The following POU5F1B variants were observed in gnomAD, a reference collection of about 807,000 sequenced individuals.
POU5F1B encodes the protein POU class 5 homeobox 1B.
Under a neutral mutation model 28.1 loss-of-function variants are expected in POU5F1B, and 24 were observed. That is an observed-to-expected ratio of 0.85 (90% CI 0.62 to 1.20). POU5F1B has a LOEUF of 1.20. Ranked by LOEUF, POU5F1B falls within the 50% of genes most tolerant of loss-of-function variation. POU5F1B has a pLI of 0.00. For synonymous variants in POU5F1B, 220 were observed against 193.2 expected, an observed-to-expected ratio of 1.14 and a Z score of -1.15; for missense variants, 451 against 451.5, an observed-to-expected ratio of 1.00 and a Z score of 0.01.
chr8:127,416,512 A>G, exon 3 of POU5F1B: 1 of 1,609,264 alleles, frequency 6.2e-7, no homozygotes, highest in Non-Finnish European at 8.5e-7. Context: ...CAACAATGAA[A>G]ATCTTCAGGA....
intron 1 of POU5F1B, among the ~76,000 whole-genome samples, chr8:127,413,450 G>T (rs1276407802): frequency 6.6e-6 from 1 of 152,106 alleles, no homozygotes; most frequent in Non-Finnish European, 1.5e-5. Context: ...CCTTCACCTA[G>T]CTGTACCTCA....
chr8:127,415,659 T>G, exon 3 of POU5F1B: 1 of 774,036 alleles, frequency 1.3e-6, no homozygotes, highest in East Asian at 3.1e-5. Context: ...AAGATAATAA[T>G]TGTCAATTCA....
chr8:127,415,871 C>G (rs542388560), exon 3 of POU5F1B: 4 of 1,524,434 alleles, frequency 2.6e-6, no homozygotes, highest in Non-Finnish European at 3.5e-6. Context: ...TTCCCCATGG[C>G]GGGACACCTG....
chr8:127,416,357 A>G (rs1308175755), exon 3 of POU5F1B: 2 of 1,611,258 alleles, frequency 1.2e-6, no homozygotes, highest in Admixed American at 3.4e-5. Flanking sequence ...GGATATACAC[A>G]GGCCGATGTG....
chr8:127,416,208 C>T, exon 3 of POU5F1B: 2 of 1,613,892 alleles, frequency 1.2e-6, no homozygotes, highest in Non-Finnish European at 1.7e-6. Context: ...CCCCGGAACC[C>T]TGCACCGTCC....
chr8:127,417,194 T>TAAA (rs71303488), exon 3 of POU5F1B: 10,653 of 243,242 alleles, frequency 0.044, 195 homozygotes, highest in African/African-American at 0.097. Context: ...TGGGACACAG[T>TAAA]AAAAAAAAAA....
At chr8:127,414,408 G>A (rs1213821487) in intron 1 of POU5F1B, among the ~76,000 whole-genome samples, 1 of 152,160 alleles carries the variant, frequency 6.6e-6, no homozygotes, top group Non-Finnish European at 1.5e-5. Flanking sequence ...GGGGAGAAGA[G>A]GGTTGCCACA....
chr8:127,415,324 TC>T (rs1431132894), intron 2 of POU5F1B: 1 of 152,830 alleles, frequency 6.5e-6, no homozygotes, highest in Non-Finnish European at 1.5e-5. Flanking sequence ...GAGTGCTATT[TC>T]CCGTCACTAC....
chr8:127,416,440 C>G, exon 3 of POU5F1B: 1 of 1,608,554 alleles, frequency 6.2e-7, no homozygotes, highest in Non-Finnish European at 8.5e-7. Flanking sequence ...GGCTCTGCAG[C>G]TTAGCTTCAA....
In POU5F1B at chr8:127,413,607, G is replaced by T. The variant is rs981369675; in HGVS notation, c.-559-1281G>T. 2.5e-4 allele frequency among the ~76,000 whole-genome samples: 38 copies of T among 152,114 alleles called. 2 individuals carry two copies. Among genetic ancestry groups the T allele is most frequent in the African/African-American group, 9.2e-4 (38 of 41,398 alleles). On this transcript the variant is annotated intron_variant, in intron 1 of 2. Transcript: ENST00000465342. ...GTAGACGTTCAGGTCACAAAATCTA[G>T]CCTGTCTCCCCATGAAACCACAATG...
exon 3 of POU5F1B, chr8:127,416,397 G>A (rs1252685260): frequency 1.9e-6 from 3 of 1,608,118 alleles, no homozygotes; most frequent in Non-Finnish European, 2.5e-6. Context: ...TATTTGGGAA[G>A]GTGTTCAGCC....
At chr8:127,415,115 G>A (rs1436312869) in intron 2 of POU5F1B, 2 of 152,206 alleles carry the variant, frequency 1.3e-5, no homozygotes, top group African/African-American at 4.8e-5. Flanking sequence ...ACAACCTCAT[G>A]AAATACCCTT....
At chr8:127,416,605 A>C in exon 3 of POU5F1B, 1 of 1,601,342 alleles carries the variant, frequency 6.2e-7, no homozygotes. Flanking sequence ...CAACCTGGAG[A>C]ATTTGTTCCT....
At position 127,417,125 on chromosome 8, in the gene POU5F1B, A is replaced by G. The variant is rs534247326; in HGVS notation, c.*179A>G. 227 of 839,344 alleles carry G rather than the reference A, an allele frequency of 2.7e-4. No individual in the cohort carries two copies. In the African/African-American group the frequency reaches 3.5e-3, roughly 13 times the overall value. The allele number at this position is 839,344 out of a possible 1,614,324, so 52.0% of individuals were successfully genotyped here. A position where few individuals can be genotyped will look rare whatever the true frequency, so the allele number is the denominator to read the frequency against. ...CTGGTTGGAGGGAAGGTGAAGTTCA[A>G]TGATGCTCTTGATTTTAATCCCACA... On this transcript the variant is annotated 3_prime_UTR_variant, in exon 3 of 3. Coordinates refer to ENST00000465342, the Ensembl canonical transcript of POU5F1B.
rs576131592 is a variant in POU5F1B, at chr8:127,416,359, G to C, written c.493G>C (p.Ala165Pro). 81 of 1,611,068 alleles carry C rather than the reference G, an allele frequency of 5.0e-5. No individual in the cohort carries two copies. The South Asian group carries it at 8.6e-4, about 17-fold the overall frequency. ...GAGGATCACCCTGGGATATACACAG[G>C]CCGATGTGGGGCTCATCCTGGGGGT... The change falls in exon 3 of 3, where the codon GCC (alanine) becomes CCC (proline). Residue 165 changes from alanine to proline, a missense_variant. Around this residue, in one of 3 missense-constraint regions of POU5F1B, gnomAD observed 233 missense variants for 210.7 expected, o/e 1.11. Transcript: ENST00000465342.
At chr8:127,413,704 T>A (rs1312996005) in intron 1 of POU5F1B, among the ~76,000 whole-genome samples, 6 of 152,242 alleles carry the variant, frequency 3.9e-5, no homozygotes, top group African/African-American at 1.4e-4. Flanking sequence ...TCTAGGTAGC[T>A]ATACTTACCA....
exon 3 of POU5F1B, chr8:127,416,399 T>C (rs1815139873): frequency 6.2e-7 from 1 of 1,608,010 alleles, no homozygotes; most frequent in South Asian, 1.1e-5. Context: ...TTTGGGAAGG[T>C]GTTCAGCCAA....
In POU5F1B at chr8:127,417,194, T is replaced by TTA. The variant is rs1253583002; in HGVS notation, c.*248_*249insTA. ...TTAAATAAAGAAGCCTGGGACACAG[T>TTA]AAAAAAAAAAAAAAAAGAAAGAAAA... is the stretch of plus-strand genomic sequence containing the variant. On this transcript the variant is annotated 3_prime_UTR_variant, in exon 3 of 3. Coordinates refer to ENST00000465342, the Ensembl canonical transcript of POU5F1B. 367 of 248,192 alleles carry TTA rather than the reference T, an allele frequency of 1.5e-3. 1 individual carries two copies. The highest frequency in any genetic ancestry group is 3.2e-3 in the Middle Eastern group (3 of 930). The allele number at this position is 248,192 out of a possible 1,614,324, so 15.4% of individuals were successfully genotyped here. A position where few individuals can be genotyped will look rare whatever the true frequency, so the allele number is the denominator to read the frequency against.
At position 127,415,631 on chromosome 8, in the gene POU5F1B, A is replaced by G. The variant is rs2130625566; in HGVS notation, c.-236A>G. 1.1e-5 allele frequency: 7 copies of G among 657,046 alleles called. No homozygotes were observed. The East Asian group carries it at 2.3e-4, about 21-fold the overall frequency. 40.7% of individuals were successfully genotyped at this position (657,046 alleles called of 1,614,324 possible). A position where few individuals can be genotyped will look rare whatever the true frequency, so the allele number is the denominator to read the frequency against. On this transcript the variant is annotated 5_prime_UTR_variant, in exon 3 of 3. Coordinates refer to ENST00000465342, the Ensembl canonical transcript of POU5F1B. Reference sequence around the variant, plus strand: ...TTATTCAACATTTCCAAATCTTGGCATTCTTATCCACAAAGTGAAGATAAT... The same window carrying G: ...TTATTCAACATTTCCAAATCTTGGCGTTCTTATCCACAAAGTGAAGATAAT...
Sources: gnomAD v4.1 joint callset for allele counts (sites outside exome capture counted in the v4.1 genomes callset) on GRCh38, gnomAD v4.1.1 for gene constraint, gnomAD v4.1.1 regional missense constraint, MANE v1.5 for transcripts, NCBI Gene and HGNC (gene_info 2026-07-23, HGNC 2026-07-21) for gene names.